TRPM5: variants seen among roughly 807,000 people sequenced by gnomAD.
The protein encoded by TRPM5 is transient receptor potential cation channel subfamily M member 5.
A neutral mutation model predicts 124.9 loss-of-function variants in TRPM5; 121 were observed. The ratio of observed to expected loss-of-function variants is 0.97; its 90% confidence interval spans 0.84 to 1.13. The LOEUF is 1.13. Ranked by LOEUF, TRPM5 falls within the 50% of genes most tolerant of loss-of-function variation. The pLI is 0.00. For missense variants in TRPM5, 1,643 were observed against 1,589.1 expected (o/e 1.03, Z -0.58); for synonymous variants, 781 against 700.5 (o/e 1.11, Z -1.81).
chr11:2,407,982 G>A (rs1009453514), intron 18 of TRPM5, 70 bp from the exon 24 acceptor site: 39 of 1,565,610 alleles, frequency 2.5e-5, no homozygotes, highest in African/African-American at 1.4e-4. Flanking sequence ...CAAATGCCCC[G>A]AGATAGAGCG....
In TRPM5 at chr11:2,409,074, G is replaced by A. The variant is rs115603177; in HGVS notation, c.2783-1162C>T. Among the ~76,000 whole-genome samples the A allele has an allele frequency of 8.5e-3, 1,297 of 151,954 alleles. 19 individuals carry two copies. The highest frequency in any genetic ancestry group is 0.029 in the African/African-American group (1,216 of 41,516). ...CCTGGGTCCTGAGCTGGAGGGGTCCGTTCTCCCTCCTAGGGTGAATTCCTG... is the reference window on the plus strand; with the variant it reads ...CCTGGGTCCTGAGCTGGAGGGGTCCATTCTCCCTCCTAGGGTGAATTCCTG... On this transcript the variant is annotated intron_variant, in intron 18 of 23. Coordinates refer to ENST00000155858, the Ensembl canonical transcript of TRPM5.
chr11:2,442,578 T>C, the TRPM5 span, among the ~76,000 whole-genome samples: 542 of 152,332 alleles, frequency 3.6e-3, 2 homozygotes, highest in African/African-American at 0.013. This position sits in a 1 kb window ranked among gnomAD's most constrained non-coding sequence, Gnocchi z 5.9. Context: ...ACTATCATTA[T>C]GTATATGTAC....
rs201772666 is a variant in TRPM5 at position 2,414,764 on chromosome 11, G to C, written c.1695C>G (p.Ala565=). The change falls in exon 11 of 24, where the codon GCC becomes GCG. Residue 565 remains alanine (A), a synonymous_variant. Coordinates refer to ENST00000155858, the Ensembl canonical transcript of TRPM5. ...CCTCGCGCGTGGCTCGGGCCGCCTC[G>C]GCCTCCGTCTCCAGGTGCGACATCT... The C allele has an allele frequency of 3.2e-6, 5 of 1,550,528 alleles. 1 individual carries two copies. The highest frequency in any genetic ancestry group is 8.7e-7 in the Non-Finnish European group (1 of 1,148,534).
chr11:2,419,886 G>A (rs1021742019), intron 4 of TRPM5, among the ~76,000 whole-genome samples: 1 of 152,130 alleles, frequency 6.6e-6, no homozygotes, highest in Admixed American at 6.5e-5. Context: ...TTCAACTCAC[G>A]ATCTCATTTT....
intron 18 of TRPM5, among the ~76,000 whole-genome samples, chr11:2,409,314 G>T (rs192874627): frequency 6.6e-6 from 1 of 152,118 alleles, no homozygotes; most frequent in Non-Finnish European, 1.5e-5. Context: ...GGAGGAGCGG[G>T]CCGGGGCCAG....
Position 2,412,815 on chromosome 11 carries a change from G to C in TRPM5, c.2294C>G (p.Ser765Ter). 1.2e-6 allele frequency: 2 copies of C among 1,605,314 alleles called. No homozygotes were observed. The highest frequency in any genetic ancestry group is 1.7e-6 in the Non-Finnish European group (2 of 1,176,488). Reference sequence around the variant, plus strand: ...GAAGTAGAGGGTGACCTCGGGCCCTGAGGGGCCCTGGGGGGGCGGCCTGAA... The same window carrying C: ...GAAGTAGAGGGTGACCTCGGGCCCTCAGGGGCCCTGGGGGGGCGGCCTGAA... The change falls in exon 15 of 24, where the codon TCA (serine) becomes TGA (stop). Residue 765 changes from serine (S) to a stop codon, truncating the protein, a stop_gained. Coordinates refer to ENST00000155858, the Ensembl canonical transcript of TRPM5. LOFTEE classifies it high-confidence loss of function.
rs972822840 is a variant in TRPM5, at chr11:2,420,462, C to T, written c.466-57G>A. ...CTCGAGAGGCAGCTTGGGCTGGTCCCGCTGCGGGATCCTCCCTGCCAGGCC... is the reference window on the plus strand; with the variant it reads ...CTCGAGAGGCAGCTTGGGCTGGTCCTGCTGCGGGATCCTCCCTGCCAGGCC... On this transcript the variant is annotated intron_variant, in intron 3 of 23. Transcript: ENST00000155858. 47 of 1,521,132 alleles carry T rather than the reference C, an allele frequency of 3.1e-5. No homozygotes were observed. The Admixed American group carries it at 4.5e-4, about 15-fold the overall frequency. 94.2% of individuals were successfully genotyped at this position (1,521,132 alleles called of 1,614,324 possible).
rs111448407 is a variant in TRPM5, at chr11:2,409,547, T to C, written c.2783-1635A>G. 6.2e-3 allele frequency among the ~76,000 whole-genome samples: 950 copies of C among 152,266 alleles called. 10 individuals are homozygous for C. Among genetic ancestry groups the C allele is most frequent in the African/African-American group, 0.022 (894 of 41,542 alleles). ...AGTGCAGAGTGGGGCAGGGGTCTGT[T>C]CTGGGCTCTGAGGAGACCTGCAGGC... On this transcript the variant is annotated intron_variant, in intron 18 of 23. Transcript: ENST00000155858.
intron 4 of TRPM5, among the ~76,000 whole-genome samples, chr11:2,418,793 T>C (rs188274284): frequency 2.0e-5 from 3 of 152,250 alleles, no homozygotes; most frequent in Non-Finnish European, 4.4e-5. Flanking sequence ...TAACCTACAC[T>C]ACCCAGCACG....
chr11:2,429,364 G>A, the TRPM5 span, among the ~76,000 whole-genome samples: 4 of 151,766 alleles, frequency 2.6e-5, no homozygotes, highest in Admixed American at 2.6e-4. The surrounding 1 kb of genome is among the most constrained non-coding windows in gnomAD (Gnocchi z 8.4). Flanking sequence ...TGATGATGGT[G>A]GTGGTGATGA....
rs544080035 is a variant in TRPM5 at position 2,415,257 on chromosome 11, G to C, written c.1343C>G (p.Thr448Ser). The C allele has an allele frequency of 1.2e-4, 191 of 1,571,312 alleles. No homozygotes were observed. The highest frequency in any genetic ancestry group is 5.0e-4 in the Middle Eastern group (3 of 5,984). Residue 448 changes from threonine to serine, a missense_variant, in exon 9 of 24, where the codon ACC (threonine) becomes AGC (serine). Physicochemically the swap from Thr to Ser is moderately conservative, Grantham distance 58. Transcript: ENST00000155858. The stretch of plus-strand genomic sequence containing the variant: ...CGCGGGTGGCTCCCGGGCCTGCTGG[G>C]TGCCCAGGCCGGCCAGCGTCAGCCG...
chr11:2,420,078 TCTCG>T lies in TRPM5; in HGVS notation c.649+140_649+143del. On this transcript the variant is annotated intron_variant, in intron 4 of 23. Coordinates refer to ENST00000155858, the Ensembl canonical transcript of TRPM5. ...ACGGCCCAGGCCCCCACGGCCCAGG[TCTCG>T]GTGCTCAGGCATGCGGGGTGCGTTC... 10 of 324,144 alleles carry T rather than the reference TCTCG, an allele frequency of 3.1e-5. 4 individuals carry two copies. Among genetic ancestry groups the T allele is most frequent in the South Asian group, 1.0e-4 (2 of 19,276 alleles). The allele number at this position is 324,144 out of a possible 1,614,324, so 20.1% of individuals were successfully genotyped here.
rs1554954818 is a variant in TRPM5 at position 2,414,179 on chromosome 11, C to A, written c.1772G>T (p.Ser591Ile). 13 of 1,610,066 alleles carry A rather than the reference C, an allele frequency of 8.1e-6. No homozygotes were observed. The highest frequency in any genetic ancestry group is 1.7e-5 in the Admixed American group (1 of 59,814). ...CAGCAGGGCGAAGGCGCGGGCCTCA[C>A]TGTTGCTGTAGCACTCGGAGAAGAG... The change falls in exon 12 of 24, where the codon AGT (serine) becomes ATT (isoleucine). Residue 591 changes from serine to isoleucine, a missense_variant. Physicochemically the swap from Ser to Ile is moderately radical, Grantham distance 142. Coordinates refer to ENST00000155858, the Ensembl canonical transcript of TRPM5.
intron 18 of TRPM5, among the ~76,000 whole-genome samples, chr11:2,410,937 G>A (rs1188281437): frequency 6.6e-6 from 1 of 152,184 alleles, no homozygotes; most frequent in Non-Finnish European, 1.5e-5. Flanking sequence ...GAGCTGGAGG[G>A]CCCAGACCCC....
chr11:2,413,143 A>T, exon 14 of TRPM5: 1 of 1,553,654 alleles, frequency 6.4e-7, no homozygotes. Flanking sequence ...CCGGCTCTGC[A>T]GGCCATACAG....
At chr11:2,437,230 C>T in the TRPM5 span, among the ~76,000 whole-genome samples, 2 of 151,814 alleles carry the variant, frequency 1.3e-5, no homozygotes, top group Non-Finnish European at 2.9e-5. The surrounding 1 kb of genome is among the most constrained non-coding windows in gnomAD (Gnocchi z 5.6). Context: ...CTCAGTCTTC[C>T]CTGGCTGGTT....
At chr11:2,423,024 G>T (rs1845794536) in exon 1 of TRPM5, 1 of 1,611,602 alleles carries the variant, frequency 6.2e-7, no homozygotes, top group African/African-American at 1.3e-5. Flanking sequence ...CGGGGGCCTT[G>T]GACATCCTGC....
At chr11:2,419,260 AC>A (rs1845731841) in intron 4 of TRPM5, among the ~76,000 whole-genome samples, 1 of 152,000 alleles carries the variant, frequency 6.6e-6, no homozygotes, top group Non-Finnish European at 1.5e-5. Context: ...GCAGAGCCAG[AC>A]CCTCCGCCTG....
At chr11:2,421,067 G>A (rs768775556) in exon 3 of TRPM5, 8 of 1,548,474 alleles carry the variant, frequency 5.2e-6, no homozygotes, top group Non-Finnish European at 7.0e-6. Context: ...TGCAGGACGC[G>A]GCCCAGCGAG....
Sources: allele counts gnomAD v4.1 joint callset (sites outside exome capture counted in the v4.1 genomes callset), GRCh38; gene constraint gnomAD v4.1.1; non-coding constraint Gnocchi (gnomAD v3.1); transcripts MANE v1.5; gene names NCBI Gene and HGNC (gene_info 2026-07-23, HGNC 2026-07-21).